Variants in ERMARD observed in about 807,000 individuals in gnomAD.
ERMARD encodes endoplasmic reticulum membrane-associated RNA degradation protein.
Under a neutral mutation model 83.9 loss-of-function variants are expected in ERMARD, and 71 were observed. That is an observed-to-expected ratio of 0.85 (90% confidence interval 0.70 to 1.03). ERMARD has a LOEUF of 1.03. ERMARD is among the 50% of genes least tolerant of loss of function. ERMARD has a pLI of 0.00. For missense variants in ERMARD, 838 were observed against 810.9 expected (o/e 1.03, Z -0.41); for synonymous variants, 284 against 298.6 (o/e 0.95, Z 0.50).
chr6:169,764,154 G>A (rs1791900274), intron 9 of ERMARD, among the ~76,000 whole-genome samples: 1 of 152,072 alleles, frequency 6.6e-6, no homozygotes, highest in Non-Finnish European at 1.5e-5. Context: ...TCCAAACTGA[G>A]AAGCCCCCCG....
intron 13 of ERMARD, 31 bp downstream of exon 13, chr6:169,773,433 G>T: frequency 1.9e-6 from 3 of 1,602,932 alleles, no homozygotes; most frequent in Non-Finnish European, 2.6e-6. Flanking sequence ...CGGGAGGGGC[G>T]TGTATGTCTC....
intron 12 of ERMARD, 32 bp from the exon 13 acceptor site, chr6:169,773,287 C>G (rs1162741473): frequency 6.2e-7 from 1 of 1,602,222 alleles, no homozygotes; most frequent in Non-Finnish European, 8.5e-7. Flanking sequence ...CCCACCCAAA[C>G]ATGATAGTAA....
intron 9 of ERMARD, among the ~76,000 whole-genome samples, chr6:169,764,861 C>T (rs931160314): frequency 6.6e-6 from 1 of 152,224 alleles, no homozygotes; most frequent in Non-Finnish European, 1.5e-5. Flanking sequence ...ACAAAAGCGA[C>T]CTTCCAGAGG....
In ERMARD at chr6:169,773,499, C is replaced by T. The variant is rs369214547; in HGVS notation, c.1317+97C>T. ...GAAGGGTGCAGTTTGCTTGCTGAGT[C>T]AGACTTTGAGTTGGGCAGATCCAGC... On this transcript the variant is annotated intron_variant, in intron 13 of 17. Transcript: ENST00000366773. 846 of 1,254,564 alleles carry T rather than the reference C, an allele frequency of 6.7e-4. 9 individuals carry two copies. The South Asian group carries it at 0.01, about 15-fold the overall frequency. The allele number at this position is 1,254,564 out of a possible 1,614,324, so 77.7% of individuals were successfully genotyped here.
intron 9 of ERMARD, among the ~76,000 whole-genome samples, chr6:169,766,081 G>T (rs776395371): frequency 8.5e-5 from 13 of 152,110 alleles, no homozygotes; most frequent in Non-Finnish European, 1.6e-4. Context: ...TTTGAGATAG[G>T]CATTCTTAAC....
At chr6:169,766,083 A>C (rs1412866577) in intron 9 of ERMARD, among the ~76,000 whole-genome samples, 2 of 152,188 alleles carry the variant, frequency 1.3e-5, no homozygotes, top group Non-Finnish European at 2.9e-5. Flanking sequence ...TGAGATAGGC[A>C]TTCTTAACTT....
intron 12 of ERMARD, chr6:169,772,067 C>T (rs952789874): frequency 3.3e-5 from 5 of 152,360 alleles, no homozygotes; most frequent in African/African-American, 1.2e-4. Context: ...TACTCCCTGT[C>T]CCTCCTGTGC....
intron 12 of ERMARD, among the ~76,000 whole-genome samples, chr6:169,772,591 AC>A (rs1046730476): frequency 4.9e-4 from 74 of 152,000 alleles, no homozygotes; most frequent in African/African-American, 1.7e-3. Context: ...ACATGGTGAA[AC>A]CCCGTCTCTA....
upstream of ERMARD, chr6:169,751,523 A>C: frequency 6.2e-7 from 1 of 1,610,612 alleles, no homozygotes; most frequent in East Asian, 2.2e-5. Context: ...CGCCCTAGCC[A>C]GTCCCGCGAG....
At chr6:169,757,173 A>AT (rs1278411929) in intron 5 of ERMARD, among the ~76,000 whole-genome samples, 5 of 152,162 alleles carry the variant, frequency 3.3e-5, no homozygotes, top group African/African-American at 9.7e-5. Context: ...TTGGGTGGGG[A>AT]CACAGCCAAA....
intron 12 of ERMARD, among the ~76,000 whole-genome samples, chr6:169,770,190 A>G (rs1160298603): frequency 6.6e-6 from 1 of 152,236 alleles, no homozygotes; most frequent in Non-Finnish European, 1.5e-5. Flanking sequence ...AAATGTTCAA[A>G]CAAAAATTAC....
intron 12 of ERMARD, among the ~76,000 whole-genome samples, chr6:169,772,221 G>A (rs1793010351): frequency 6.6e-6 from 1 of 152,136 alleles, no homozygotes; most frequent in South Asian, 2.1e-4. Context: ...CCTTCTCCTC[G>A]GAAGCCCTCG....
chr6:169,765,326 T>G (rs2128351404), intron 9 of ERMARD, among the ~76,000 whole-genome samples: 1 of 152,382 alleles, frequency 6.6e-6, no homozygotes, highest in African/African-American at 2.4e-5. Context: ...GCAGTACATA[T>G]ATGAAGATAT....
intron 7 of ERMARD, 35 bp from the exon 8 acceptor site, chr6:169,760,607 T>A: frequency 7.0e-7 from 1 of 1,431,878 alleles, no homozygotes; most frequent in Non-Finnish European, 9.8e-7. Context: ...AGTTGATCAG[T>A]ATGATTGTGT....
chr6:169,775,346 G>A lies in ERMARD; in HGVS notation c.1394G>A (p.Arg465Lys), dbSNP rs757700536. Residue 465 changes from arginine (R) to lysine (K), a missense_variant and splice_region_variant, in exon 14 of 18, where the codon AGA becomes AAA. Coordinates refer to ENST00000366773, the MANE Select transcript of ERMARD (RefSeq NM_018341.3). ...GAAGAACTCACTCGGCAAGCCGTCAGGTGCGTGGCATCCTGGGGCCTGGCT... is the reference window on the plus strand; with the variant it reads ...GAAGAACTCACTCGGCAAGCCGTCAAGTGCGTGGCATCCTGGGGCCTGGCT... Reference protein sequence around the residue: ...FPEELTRQAVRLEDNSETNAC... With the variant: ...FPEELTRQAVKLEDNSETNAC... 1 of 1,614,062 alleles carries A rather than the reference G, an allele frequency of 6.2e-7. No homozygotes were observed. The highest frequency in any genetic ancestry group is 1.7e-5 in the Admixed American group (1 of 60,024).
At chr6:169,779,923 T>C (rs1296942369) in intron 17 of ERMARD, among the ~76,000 whole-genome samples, 2 of 152,182 alleles carry the variant, frequency 1.3e-5, no homozygotes, top group African/African-American at 4.8e-5. Context: ...CGGGCAGAGG[T>C]CAAACAAGCT....
At position 169,776,049 on chromosome 6, in the gene ERMARD, C is replaced by T. The variant is rs1793553442; in HGVS notation, c.1504C>T (p.Arg502Cys). The T allele has an allele frequency of 4.3e-6, 7 of 1,613,894 alleles. No homozygotes were observed. The highest frequency in any genetic ancestry group is 1.3e-5 in the African/African-American group (1 of 75,046). The change falls in exon 15 of 18, where the codon CGT becomes TGT. Residue 502 changes from arginine to cysteine, a missense_variant. Coordinates refer to ENST00000366773, the MANE Select transcript of ERMARD (RefSeq NM_018341.3). ...ENRCVLKDLD[R>C]LPTETWPQLL... Reference sequence around the variant, plus strand: ...TCGTTGTGTGTTAAAGGACTTGGATCGTCTTCCTACTGAGACGTAAGTTCC... The same window carrying T: ...TCGTTGTGTGTTAAAGGACTTGGATTGTCTTCCTACTGAGACGTAAGTTCC...
chr6:169,769,559 T>G lies in ERMARD; in HGVS notation c.1079T>G (p.Leu360Arg), dbSNP rs1273916672. Reference sequence around the variant, plus strand: ...TGAAAGGAATTTCTCTGGGATTTCCTGAACCATCAGGAGGGTCCCCGCATA... The same window carrying G: ...TGAAAGGAATTTCTCTGGGATTTCCGGAACCATCAGGAGGGTCCCCGCATA... The part of the protein sequence containing the change: ...EPAMEFLWDF[L>R]NHQEGPRIRD... Residue 360 changes from leucine (L) to arginine (R), a missense_variant, in exon 12 of 18, where the codon CTG (leucine) becomes CGG (arginine). Coordinates refer to ENST00000366773, the MANE Select transcript of ERMARD (RefSeq NM_018341.3). 6.3e-7 allele frequency: 1 copy of G among 1,595,326 alleles called. No individual in the cohort carries two copies. Among genetic ancestry groups the G allele is most frequent in the East Asian group, 2.2e-5 (1 of 44,706 alleles).
Position 169,761,918 on chromosome 6 carries a change from T to C in ERMARD, c.858-511T>C, listed in dbSNP as rs181415441. Among the ~76,000 whole-genome samples the C allele has an allele frequency of 2.2e-3, 336 of 151,880 alleles. 1 individual carries two copies. Among genetic ancestry groups the C allele is most frequent in the Middle Eastern group, 0.017 (5 of 294 alleles). On this transcript the variant is annotated intron_variant, in intron 8 of 17. Transcript: ENST00000366773. ...GGCTGGTCTCAAAGTCTTAGCCTCA[T>C]GTGATCTGCCCGCCTCAGCCTCCCA... is the stretch of plus-strand genomic sequence containing the variant.
Sources: allele counts gnomAD v4.1 joint callset (sites outside exome capture counted in the v4.1 genomes callset), GRCh38; gene constraint gnomAD v4.1.1; transcripts MANE v1.5; gene names NCBI Gene and HGNC (gene_info 2026-07-23, HGNC 2026-07-21).